ATRN: variants seen among roughly 807,000 people sequenced by gnomAD.
ATRN encodes attractin.
Under a neutral mutation model 178.7 loss-of-function variants are expected in ATRN, and 54 were observed. The observed-to-expected ratio is 0.30, with a 90% CI of 0.24 to 0.38. ATRN has a LOEUF of 0.38. Among genes scored for constraint, ATRN ranks in the 10% least tolerant of loss-of-function variants. ATRN has a pLI of 1.00. For synonymous variants in ATRN, 636 were observed against 663.0 expected, an observed-to-expected ratio of 0.96 and a Z score of 0.63; for missense variants, 1,443 against 1,815.1, an observed-to-expected ratio of 0.79 and a Z score of 3.73.
intron 24 of ATRN, among the ~76,000 whole-genome samples, chr20:3,612,214 C>T (rs1174984758): frequency 6.6e-6 from 1 of 152,122 alleles, no homozygotes; most frequent in African/African-American, 2.4e-5. Flanking sequence ...TACAGAAACA[C>T]AACAACTTTG....
In ATRN at chr20:3,646,932, G is replaced by A. The variant is rs1008836591; in HGVS notation, c.*85G>A. 3 of 1,539,140 alleles carry A rather than the reference G, an allele frequency of 1.9e-6. No homozygotes were observed. Among genetic ancestry groups the A allele is most frequent in the African/African-American group, 1.4e-5 (1 of 73,136 alleles). On this transcript the variant is annotated 3_prime_UTR_variant, in exon 29 of 29. Transcript: ENST00000262919. ...CAGGGAAGGGCGTGGCGGGGAAATG[G>A]CTGTGCGGTGCGGGACGGAAGACTG...
At chr20:3,533,227 C>T (rs1246811118) in intron 1 of ATRN, among the ~76,000 whole-genome samples, 1 of 152,166 alleles carries the variant, frequency 6.6e-6, no homozygotes, top group Admixed American at 6.5e-5. Context: ...CCTGTCCACA[C>T]ACTTTCCTAA....
At chr20:3,587,240 T>G (rs755101207) in intron 18 of ATRN, among the ~76,000 whole-genome samples, 1 of 152,174 alleles carries the variant, frequency 6.6e-6, no homozygotes, top group African/African-American at 2.4e-5. Context: ...TTAAGTTCCA[T>G]GTATCAATGT....
At chr20:3,592,635 C>T (rs1349626718) in intron 19 of ATRN, among the ~76,000 whole-genome samples, 1 of 152,124 alleles carries the variant, frequency 6.6e-6, no homozygotes, top group Admixed American at 6.5e-5. Flanking sequence ...TCTACCTACT[C>T]CCCAGATCCC....
chr20:3,540,377 TA>T, intron 3 of ATRN, 42 bp downstream of exon 3: 1 of 1,282,794 alleles, frequency 7.8e-7, no homozygotes, highest in South Asian at 1.3e-5. Flanking sequence ...GTTTGATTTC[TA>T]AATTTAAACA....
chr20:3,584,604 G>C (rs2086330036), intron 17 of ATRN, 43 bp from the exon 18 acceptor site: 1 of 1,418,764 alleles, frequency 7.0e-7, no homozygotes, highest in African/African-American at 1.4e-5. Context: ...AGTGAATTCA[G>C]ATCTACCTGT....
intron 1 of ATRN, among the ~76,000 whole-genome samples, chr20:3,526,378 A>G (rs1350196804): frequency 1.3e-5 from 2 of 152,170 alleles, no homozygotes; most frequent in Non-Finnish European, 2.9e-5. Context: ...TAGGAATCCA[A>G]CTTACAAGGG....
rs117373489 is a variant in ATRN, at chr20:3,635,833, G to A, written c.3942+1444G>A. ...TTTATTATTATTTTTTAAATAAGTGGATAACATATTCAAAGGGTTTTTTAG... is the reference window on the plus strand; with the variant it reads ...TTTATTATTATTTTTTAAATAAGTGAATAACATATTCAAAGGGTTTTTTAG... On this transcript the variant is annotated intron_variant, in intron 26 of 28. Coordinates refer to ENST00000262919, the MANE Select transcript of ATRN (RefSeq NM_139321.3). Among the ~76,000 whole-genome samples the A allele has an allele frequency of 2.2e-4, 33 of 152,102 alleles. No individual in the cohort carries two copies. The East Asian group carries it at 5.4e-3, about 25-fold the overall frequency.
chr20:3,572,922 A>G lies in ATRN; in HGVS notation c.2063A>G (p.Lys688Arg), dbSNP rs2086148262. 2.5e-6 allele frequency: 4 copies of G among 1,613,930 alleles called. No individual in the cohort carries two copies. Among genetic ancestry groups the G allele is most frequent in the Non-Finnish European group, 3.4e-6 (4 of 1,179,958 alleles). Reference sequence around the variant, plus strand: ...CTGGCAACTGATGAACAAGAAGAAAAGTTAAAATCAGAATGTTTTTCCAAA... The same window carrying G: ...CTGGCAACTGATGAACAAGAAGAAAGGTTAAAATCAGAATGTTTTTCCAAA... ...WALATDEQEE[K>R]LKSECFSKRT... The change falls in exon 12 of 29, where the codon AAG becomes AGG. Residue 688 changes from lysine (K) to arginine (R), a missense_variant. Around this residue, in one of 4 missense-constraint regions of ATRN, gnomAD observed 862 missense variants for 972.1 expected, o/e 0.89. Coordinates refer to ENST00000262919, the MANE Select transcript of ATRN (RefSeq NM_139321.3).
At chr20:3,630,132 C>G (rs1020051322) in intron 25 of ATRN, among the ~76,000 whole-genome samples, 13 of 152,192 alleles carry the variant, frequency 8.5e-5, no homozygotes, top group African/African-American at 3.1e-4. Context: ...AGGCCCCTCT[C>G]CCCATGAGTC....
At chr20:3,644,407 G>T in intron 28 of ATRN, 139 bp downstream of exon 28, 1 of 742,174 alleles carries the variant, frequency 1.3e-6, no homozygotes, top group Non-Finnish European at 2.2e-6. Flanking sequence ...AGGATTCAGT[G>T]AGATAACCCA....
At position 3,547,312 on chromosome 20, in the gene ATRN, G is replaced by A. The variant is rs1170973526; in HGVS notation, c.766G>A (p.Gly256Ser). 6.2e-7 allele frequency: 1 copy of A among 1,613,952 alleles called. No individual in the cohort carries two copies. Among genetic ancestry groups the A allele is most frequent in the Non-Finnish European group, 8.5e-7 (1 of 1,179,956 alleles). ...TGATATGTGTCCAAATAACTGCTCA[G>A]GCCGAGGAGAGTGTAAGATCAGTAA... Reference protein sequence around the residue: ...SFDMCPNNCSGRGECKISNSS... With the variant: ...SFDMCPNNCSSRGECKISNSS... The change falls in exon 5 of 29, where the codon GGC (glycine) becomes AGC (serine). Residue 256 changes from glycine to serine, a missense_variant. Physicochemically the swap from Gly to Ser is moderately conservative, Grantham distance 56. Around this residue, in one of 4 missense-constraint regions of ATRN, gnomAD observed 862 missense variants for 972.1 expected, o/e 0.89. Transcript: ENST00000262919.
chr20:3,589,645 C>G (rs1017275568), intron 18 of ATRN, among the ~76,000 whole-genome samples: 1 of 152,086 alleles, frequency 6.6e-6, no homozygotes, highest in Non-Finnish European at 1.5e-5. Context: ...GTATTAATAA[C>G]TAAATGTGTA....
intron 1 of ATRN, among the ~76,000 whole-genome samples, chr20:3,497,735 T>C (rs2146101364): frequency 6.6e-6 from 1 of 152,302 alleles, no homozygotes; most frequent in East Asian, 1.9e-4. Context: ...GAAGTTCTCC[T>C]GGATAATATC....
rs1280524032 is a variant in ATRN, at chr20:3,634,295, CT to C, written c.3864-13del. 4 of 1,611,196 alleles carry C rather than the reference CT, an allele frequency of 2.5e-6. No homozygotes were observed. The highest frequency in any genetic ancestry group is 2.5e-6 in the Non-Finnish European group (3 of 1,177,870). ...TGGGGGCTGGGATAATAACTCAGTA[CT>C]TTCCTTTCTCACAGTTGTTTCCTCT... On this transcript the variant is annotated splice_polypyrimidine_tract_variant and intron_variant, in intron 25 of 28. Transcript: ENST00000262919.
intron 3 of ATRN, among the ~76,000 whole-genome samples, chr20:3,541,245 T>C (rs1466148869): frequency 6.6e-6 from 1 of 151,644 alleles, no homozygotes; most frequent in East Asian, 1.9e-4. Context: ...GCCCGGCTAA[T>C]TTTTTGTATT....
chr20:3,568,826 A>C (rs1207529595), intron 11 of ATRN, among the ~76,000 whole-genome samples: 2 of 152,214 alleles, frequency 1.3e-5, no homozygotes, highest in South Asian at 2.1e-4. Flanking sequence ...AAGGCTCGTC[A>C]CAGCCTTCTT....
intron 1 of ATRN, among the ~76,000 whole-genome samples, chr20:3,473,214 A>C (rs1271655499): frequency 6.6e-6 from 1 of 152,200 alleles, no homozygotes; most frequent in Non-Finnish European, 1.5e-5. Context: ...AAATCCAACA[A>C]AAATTTTATT....
Position 3,471,025 on chromosome 20 carries a change from C to T in ATRN, c.-83C>T, listed in dbSNP as rs748897467. Reference sequence around the variant, plus strand: ...GCACGAGCCACCGTCCGCACAGCCCCGCCCCGCACGGCCAGGCGAAGCGGA... The same window carrying T: ...GCACGAGCCACCGTCCGCACAGCCCTGCCCCGCACGGCCAGGCGAAGCGGA... On this transcript the variant is annotated 5_prime_UTR_variant, in exon 1 of 29. Coordinates refer to ENST00000262919, the MANE Select transcript of ATRN (RefSeq NM_139321.3). The T allele has an allele frequency of 2.1e-6, 3 of 1,402,074 alleles. No homozygotes were observed. The highest frequency in any genetic ancestry group is 2.8e-6 in the Non-Finnish European group (3 of 1,083,188). The allele number at this position is 1,402,074 out of a possible 1,614,324, so 86.9% of individuals were successfully genotyped here. A position where few individuals can be genotyped will look rare whatever the true frequency, so the allele number is the denominator to read the frequency against.
Sources: gnomAD v4.1 joint callset for allele counts (sites outside exome capture counted in the v4.1 genomes callset) on GRCh38, gnomAD v4.1.1 for gene constraint, gnomAD v4.1.1 regional missense constraint, MANE v1.5 for transcripts, NCBI Gene and HGNC (gene_info 2026-07-23, HGNC 2026-07-21) for gene names.